The following KIF5C variants were observed in gnomAD, a reference collection of about 807,000 sequenced individuals.
KIF5C encodes kinesin heavy chain isoform 5C.
KIF5C carries 18 observed loss-of-function variants against 125.2 expected under a neutral mutation model. The observed-to-expected ratio is 0.14, with a 90% CI of 0.10 to 0.21. The LOEUF (loss-of-function observed/expected upper bound fraction) is 0.21. KIF5C is among the 10% of genes least tolerant of loss of function. The pLI is 1.00. For missense variants in KIF5C, 780 were observed against 1,183.8 expected, an observed-to-expected ratio of 0.66 and a Z score of 5.01; for synonymous variants, 405 against 434.0, an observed-to-expected ratio of 0.93 and a Z score of 0.83.
At chr2:148,953,513 G>A (rs745322917) in intron 10 of KIF5C, among the ~76,000 whole-genome samples, 4 of 152,242 alleles carry the variant, frequency 2.6e-5, no homozygotes, top group East Asian at 3.9e-4. Context: ...ACTGAACATC[G>A]GATTAGACAT....
At chr2:148,959,354 C>T (rs1197147011) in intron 10 of KIF5C, among the ~76,000 whole-genome samples, 1 of 148,984 alleles carries the variant, frequency 6.7e-6, no homozygotes, top group East Asian at 1.9e-4. Context: ...CCTTGCTATT[C>T]TTTTTTTTTT....
chr2:148,994,479 G>A lies in KIF5C; in HGVS notation c.1964G>A (p.Arg655Lys), dbSNP rs954203955. ...ATGCAGAACATGGAACAGAAGAGGA[G>A]GCAGCTAGAAGAGTCCCAGGACTCG... is the stretch of plus-strand genomic sequence containing the variant. ...DYMQNMEQKR[R>K]QLEESQDSLS... Residue 655 changes from arginine to lysine, a missense_variant, in exon 17 of 26, where the codon AGG becomes AAG. Arg to Lys is a conservative substitution (Grantham distance 26). Around this residue, in one of 2 missense-constraint regions of KIF5C, gnomAD observed 573 missense variants for 742.6 expected, o/e 0.77. Transcript: ENST00000435030. 3 of 1,577,228 alleles carry A rather than the reference G, an allele frequency of 1.9e-6. No individual in the cohort carries two copies. Among genetic ancestry groups the A allele is most frequent in the Admixed American group, 3.7e-5 (2 of 54,312 alleles).
At chr2:148,948,173 G>A (rs1286547123) in intron 8 of KIF5C, among the ~76,000 whole-genome samples, 3 of 149,254 alleles carry the variant, frequency 2.0e-5, no homozygotes, top group Non-Finnish European at 3.0e-5. Context: ...TGGTGAAACC[G>A]TGTCTCAACT....
At chr2:148,956,821 T>G (rs897266163) in intron 10 of KIF5C, among the ~76,000 whole-genome samples, 1 of 152,242 alleles carries the variant, frequency 6.6e-6, no homozygotes, top group South Asian at 2.1e-4. Flanking sequence ...GGGCTCTGAT[T>G]GAAAACCCTG....
At chr2:148,942,635 A>G (rs768795094) in intron 6 of KIF5C, 38 bp from the exon 7 acceptor site, 11 of 1,584,008 alleles carry the variant, frequency 6.9e-6, no homozygotes, top group Admixed American at 1.8e-5. Flanking sequence ...TTGCTTTTCA[A>G]CTCTTTCAGT....
At chr2:149,004,788 T>A (rs1160473293) in intron 21 of KIF5C, among the ~76,000 whole-genome samples, 1 of 152,162 alleles carries the variant, frequency 6.6e-6, no homozygotes, top group Non-Finnish European at 1.5e-5. Flanking sequence ...CAACCACTGT[T>A]TTTATTCTCA....
At chr2:148,896,519 G>A (rs996602920) in intron 1 of KIF5C, among the ~76,000 whole-genome samples, 14 of 152,176 alleles carry the variant, frequency 9.2e-5, no homozygotes, top group African/African-American at 3.1e-4. Flanking sequence ...CGATGCTGAT[G>A]TGTATCCTGT....
chr2:148,927,001 GA>G (rs1186667279), intron 2 of KIF5C, among the ~76,000 whole-genome samples: 5 of 151,738 alleles, frequency 3.3e-5, no homozygotes, highest in Admixed American at 2.0e-4. Context: ...AAAAGAAGGA[GA>G]AAAAAAATAG....
intron 3 of KIF5C, among the ~76,000 whole-genome samples, chr2:148,936,505 T>G (rs957232805): frequency 1.3e-5 from 2 of 152,186 alleles, no homozygotes; most frequent in Non-Finnish European, 2.9e-5. Context: ...TGCTGTCAGA[T>G]CCTAAGGCAT....
At chr2:148,962,631 A>G (rs1216036824) in intron 11 of KIF5C, among the ~76,000 whole-genome samples, 1 of 152,162 alleles carries the variant, frequency 6.6e-6, no homozygotes, top group Non-Finnish European at 1.5e-5. Context: ...TCCCCATCCC[A>G]TCACTTGGCT....
In KIF5C at chr2:148,994,555, C is replaced by T. The variant is rs187417929; in HGVS notation, c.2023+17C>T. The stretch of plus-strand genomic sequence containing the variant: ...GAGCCCAGGGTAAATATTTGACTAA[C>T]GTGCAGGTGTCAAACACCTGGCCTG... On this transcript the variant is annotated intron_variant, in intron 17 of 25. Coordinates refer to ENST00000435030, the MANE Select transcript of KIF5C (RefSeq NM_004522.3). The T allele has an allele frequency of 4.8e-3, 7,520 of 1,552,716 alleles. 25 individuals are homozygous for T. The highest frequency in any genetic ancestry group is 7.4e-3 in the Middle Eastern group (44 of 5,932).
chr2:148,975,248 A>T (rs78116438), intron 12 of KIF5C, among the ~76,000 whole-genome samples: 2,338 of 152,200 alleles, frequency 0.015, 60 homozygotes, highest in African/African-American at 0.054. Context: ...ACCCTTCCCA[A>T]AGACTGCCTG....
intron 11 of KIF5C, among the ~76,000 whole-genome samples, chr2:148,962,846 T>C (rs1288312999): frequency 6.6e-6 from 1 of 152,192 alleles, no homozygotes; most frequent in South Asian, 2.1e-4. Context: ...TTATTACTGG[T>C]TTGGGGTTAA....
chr2:148,998,442 C>G lies in KIF5C; in HGVS notation c.2143C>G (p.Gln715Glu). Residue 715 changes from glutamine to glutamate, a missense_variant, in exon 19 of 26, where the codon CAG becomes GAG. By Grantham distance (29) the Gln-to-Glu change is conservative. Around this residue, in one of 2 missense-constraint regions of KIF5C, gnomAD observed 573 missense variants for 742.6 expected, o/e 0.77. Transcript: ENST00000435030. ...QQMESHREAH[Q>E]KQLSRLRDEI... The stretch of plus-strand genomic sequence containing the variant: ...GATGGAGAGCCACCGGGAAGCTCAC[C>G]AGAAGCAGCTGTCCAGACTCCGAGA... 6.4e-7 allele frequency: 1 copy of G among 1,567,892 alleles called. No individual in the cohort carries two copies. Among genetic ancestry groups the G allele is most frequent in the Non-Finnish European group, 8.6e-7 (1 of 1,156,292 alleles).
Position 148,980,961 on chromosome 2 carries a change from C to T in KIF5C, c.1363-394C>T, listed in dbSNP as rs1227195108. The stretch of plus-strand genomic sequence containing the variant: ...TTGACCTCAGGTAATCCACCTGCCT[C>T]GGCCTCTCAAAGTGCTGAGATTACA... On this transcript the variant is annotated intron_variant, in intron 13 of 25. Transcript: ENST00000435030. Among the ~76,000 whole-genome samples the T allele has an allele frequency of 3.9e-5, 6 of 152,002 alleles. No homozygotes were observed. The South Asian group carries it at 8.3e-4, about 21-fold the overall frequency.
rs1682607086 is a variant in KIF5C at position 149,023,888 on chromosome 2, C to G, written c.*818C>G. The G allele has an allele frequency of 1.3e-5, 2 of 152,178 alleles. No homozygotes were observed. 9.4% of individuals were successfully genotyped at this position (152,178 alleles called of 1,614,324 possible). A position where few individuals can be genotyped will look rare whatever the true frequency, so the allele number is the denominator to read the frequency against. ...TAAGTGGAAATGTGGCTGCCCCTCT[C>G]CTCACTACTTCCTCTCTGATCGTTC... On this transcript the variant is annotated 3_prime_UTR_variant, in exon 26 of 26. Coordinates refer to ENST00000435030, the MANE Select transcript of KIF5C (RefSeq NM_004522.3).
intron 14 of KIF5C, among the ~76,000 whole-genome samples, chr2:148,983,411 T>G (rs1039638316): frequency 1.3e-5 from 2 of 152,240 alleles, no homozygotes; most frequent in African/African-American, 4.8e-5. Context: ...ACATATAATG[T>G]ATCAGGCCAT....
chr2:148,929,226 A>G, intron 2 of KIF5C, 55 bp from the exon 3 acceptor site: 1 of 1,092,468 alleles, frequency 9.2e-7, no homozygotes, highest in Non-Finnish European at 1.3e-6. Flanking sequence ...TGCAACCTAC[A>G]CCAGCATATG....
chr2:148,953,525 G>T (rs796819713), intron 10 of KIF5C, among the ~76,000 whole-genome samples: 1 of 152,182 alleles, frequency 6.6e-6, no homozygotes, highest in Non-Finnish European at 1.5e-5. Context: ...ATTAGACATG[G>T]TATGTGATAG....
Sources: allele counts gnomAD v4.1 joint callset (sites outside exome capture counted in the v4.1 genomes callset), GRCh38; gene constraint gnomAD v4.1.1; regional missense constraint gnomAD v4.1.1; transcripts MANE v1.5; gene names NCBI Gene and HGNC (gene_info 2026-07-23, HGNC 2026-07-21).